Variants in AACS observed in about 807,000 individuals in gnomAD.
AACS encodes the protein acetoacetyl-CoA synthetase.
A neutral mutation model predicts 83.1 loss-of-function variants in AACS; 69 were observed. The ratio of observed to expected loss-of-function variants is 0.83; its 90% confidence interval spans 0.68 to 1.01. The LOEUF (loss-of-function observed/expected upper bound fraction) is 1.01, where lower values mean the gene tolerates loss of function less well. Ranked by LOEUF, AACS falls within the 50% of genes least tolerant of loss-of-function variation. AACS has a pLI of 0.00. For missense variants in AACS, 866 were observed against 882.2 expected (o/e 0.98, Z 0.23); for synonymous variants, 333 against 343.4 (o/e 0.97, Z 0.33).
intron 10 of AACS, 116 bp downstream of exon 10, chr12:125,118,881 C>T: frequency 7.0e-7 from 1 of 1,430,806 alleles, no homozygotes; most frequent in Non-Finnish European, 9.3e-7. Context: ...CTCCAGCATG[C>T]TCTGCCTTTG....
intron 4 of AACS, among the ~76,000 whole-genome samples, chr12:125,087,378 G>T (rs1956363205): frequency 6.6e-6 from 1 of 152,196 alleles, no homozygotes; most frequent in African/African-American, 2.4e-5. Context: ...CTTTCACCTT[G>T]ACTTGTGGAA....
intron 1 of AACS, among the ~76,000 whole-genome samples, chr12:125,066,606 C>T (rs1448626917): frequency 3.9e-5 from 6 of 152,086 alleles, no homozygotes; most frequent in Admixed American, 2.0e-4. Context: ...TACACCACCA[C>T]GCCTGGCTAA....
At position 125,102,629 on chromosome 12, in the gene AACS, G is replaced by A. The variant is rs780457063; in HGVS notation, c.571-50G>A. 20 of 1,547,884 alleles carry A rather than the reference G, an allele frequency of 1.3e-5. No individual in the cohort carries two copies. In the South Asian group the frequency reaches 1.5e-4, roughly 11 times the overall value. The stretch of plus-strand genomic sequence containing the variant: ...ACAGGCACCCACCACCATGCCTGCT[G>A]GTTTTTGCCTTTTGGATGATCAATG... On this transcript the variant is annotated intron_variant, in intron 5 of 17. Transcript: ENST00000316519.
chr12:125,124,921 G>T lies in AACS; in HGVS notation c.1206G>T (p.Gln402His). ...AMKPVETHSL[Q>H]MLHTILSTGS... ...CCCCAGTGGAAACCCACAGTCTCCA[G>T]ATGCTCCACACGATCCTGTCCACTG... The change falls in exon 12 of 18, where the codon CAG becomes CAT. Residue 402 changes from glutamine to histidine, a missense_variant. Coordinates refer to ENST00000316519, the MANE Select transcript of AACS (RefSeq NM_023928.5). The T allele has an allele frequency of 6.2e-7, 1 of 1,614,212 alleles. No homozygotes were observed. Among genetic ancestry groups the T allele is most frequent in the East Asian group, 2.2e-5 (1 of 44,886 alleles).
At chr12:125,128,640 G>A (rs776564115) in intron 13 of AACS, 40 of 169,140 alleles carry the variant, frequency 2.4e-4, no homozygotes, top group Non-Finnish European at 4.5e-4. Flanking sequence ...CGCTATGCTG[G>A]GCCTGGCAGC....
intron 15 of AACS, 43 bp from the exon 16 acceptor site, chr12:125,134,751 C>T: frequency 1.9e-6 from 3 of 1,612,804 alleles, no homozygotes; most frequent in Non-Finnish European, 2.5e-6. Flanking sequence ...ACTTGCTTCA[C>T]TCCAGAGCTG....
chr12:125,118,718 C>A lies in AACS; in HGVS notation c.1074C>A (p.Pro358=). The change falls in exon 10 of 18, where the codon CCC becomes CCA. Residue 358 remains proline, a synonymous_variant. Transcript: ENST00000316519. ...GAAMVLYDGS[P]LVPTPNVLWD... ...CCATGGTCTTGTACGATGGCTCCCC[C>A]CTGGTGCCCACGCCCAATGTGCTCT... 2 of 1,614,128 alleles carry A rather than the reference C, an allele frequency of 1.2e-6. No individual in the cohort carries two copies. Among genetic ancestry groups the A allele is most frequent in the Non-Finnish European group, 1.7e-6 (2 of 1,179,992 alleles).
intron 7 of AACS, among the ~76,000 whole-genome samples, chr12:125,104,053 G>GAT (rs1328558939): frequency 7.3e-6 from 1 of 137,802 alleles, no homozygotes; most frequent in Non-Finnish European, 1.5e-5. Context: ...TAAGGAAATG[G>GAT]ATTATGGATT....
intron 16 of AACS, among the ~76,000 whole-genome samples, chr12:125,136,382 G>A: frequency 6.6e-6 from 1 of 152,096 alleles, no homozygotes; most frequent in East Asian, 1.9e-4. Flanking sequence ...TTCTCATTAA[G>A]TAAGGCCCAC....
At position 125,065,573 on chromosome 12, in the gene AACS, CCCG is replaced by C. The variant is rs999561824; in HGVS notation, c.-3_-1del. The stretch of plus-strand genomic sequence containing the variant: ...CCAGCCCTCGTCGCAGCCCCGGCCG[CCCG>C]CCGCCGCCATGTCCAAGGAGGAGCG... On this transcript the variant is annotated 5_prime_UTR_variant, in exon 1 of 18. Coordinates refer to ENST00000316519, the MANE Select transcript of AACS (RefSeq NM_023928.5). 8 of 1,506,480 alleles carry C rather than the reference CCCG, an allele frequency of 5.3e-6. No individual in the cohort carries two copies. The highest frequency in any genetic ancestry group is 2.2e-5 in the Admixed American group (1 of 44,828). The allele number at this position is 1,506,480 out of a possible 1,614,324, so 93.3% of individuals were successfully genotyped here.
At chr12:125,115,759 T>C (rs941875825) in intron 9 of AACS, among the ~76,000 whole-genome samples, 2 of 151,258 alleles carry the variant, frequency 1.3e-5, no homozygotes, top group Non-Finnish European at 2.9e-5. Flanking sequence ...TGCAGGAGAC[T>C]GTCAGACCCC....
Position 125,114,556 on chromosome 12 carries a change from C to T in AACS, c.995C>T (p.Thr332Met), listed in dbSNP as rs374299072. 32 of 1,612,590 alleles carry T rather than the reference C, an allele frequency of 2.0e-5. No individual in the cohort carries two copies. The Admixed American group carries it at 3.2e-4, about 16-fold the overall frequency. ...TSSDILLCYT[T>M]VGWMMWNWMV... Reference sequence around the variant, plus strand: ...AGTGACATCCTCCTGTGCTACACCACGGTAAGGGCTTCCCCAGGTGCTGGC... The same window carrying T: ...AGTGACATCCTCCTGTGCTACACCATGGTAAGGGCTTCCCCAGGTGCTGGC... The change falls in exon 9 of 18, where the codon ACG (threonine) becomes ATG (methionine). Residue 332 changes from threonine (T) to methionine (M), a missense_variant and splice_region_variant. Coordinates refer to ENST00000316519, the MANE Select transcript of AACS (RefSeq NM_023928.5).
chr12:125,095,857 C>T (rs938510985), intron 5 of AACS, among the ~76,000 whole-genome samples: 3 of 152,248 alleles, frequency 2.0e-5, no homozygotes, highest in East Asian at 1.9e-4. Context: ...CCAGCACCCA[C>T]ATCAGACAAG....
At chr12:125,132,538 C>G (rs1365009091) in intron 14 of AACS, among the ~76,000 whole-genome samples, 1 of 152,146 alleles carries the variant, frequency 6.6e-6, no homozygotes, top group Admixed American at 6.5e-5. Context: ...AGGCGTGCTC[C>G]TGCAGAAGCT....
Position 125,124,747 on chromosome 12 carries a change from G to A in AACS, c.1164G>A (p.Leu388=), listed in dbSNP as rs1228422005. The A allele has an allele frequency of 6.2e-7, 1 of 1,614,238 alleles. No individual in the cohort carries two copies. The highest frequency in any genetic ancestry group is 1.7e-5 in the Admixed American group (1 of 60,028). Residue 388 remains leucine, a synonymous_variant, in exon 11 of 18, where the codon CTG becomes CTA. Transcript: ENST00000316519. ...LVTGAKWLSV[L]EEKAMKPVET... ...CTGGGGCCAAGTGGCTGTCAGTGCT[G>A]GAAGAGAAGGCCATGAAGCCGGGTG...
At chr12:125,074,656 TGTA>T (rs1955969546) in intron 2 of AACS, among the ~76,000 whole-genome samples, 1 of 151,266 alleles carries the variant, frequency 6.6e-6, no homozygotes, top group Admixed American at 6.6e-5. Context: ...TTTACATTGT[TGTA>T]GTTTTTTTTT....
chr12:125,134,142 G>T, intron 15 of AACS, 70 bp downstream of exon 15: 1 of 1,539,384 alleles, frequency 6.5e-7, no homozygotes, highest in Non-Finnish European at 8.8e-7. Flanking sequence ...TGGGAGAGGA[G>T]GTGCTTTCTA....
Position 125,124,971 on chromosome 12 carries a change from A to G in AACS, c.1256A>G (p.Tyr419Cys). Reference sequence around the variant, plus strand: ...GGCTCCCCACTGAAAGCCCAGAGCTACGAGTATGTCTACAGGTGCATCAAG... The same window carrying G: ...GGCTCCCCACTGAAAGCCCAGAGCTGCGAGTATGTCTACAGGTGCATCAAG... Reference protein sequence around the residue: ...STGSPLKAQSYEYVYRCIKSS... With the variant: ...STGSPLKAQSCEYVYRCIKSS... The change falls in exon 12 of 18, where the codon TAC becomes TGC. Residue 419 changes from tyrosine (Y) to cysteine (C), a missense_variant. Coordinates refer to ENST00000316519, the MANE Select transcript of AACS (RefSeq NM_023928.5). 6.2e-7 allele frequency: 1 copy of G among 1,614,198 alleles called. No homozygotes were observed. Among genetic ancestry groups the G allele is most frequent in the Non-Finnish European group, 8.5e-7 (1 of 1,180,034 alleles).
chr12:125,074,198 C>T (rs1009576420), intron 2 of AACS, among the ~76,000 whole-genome samples: 4 of 152,142 alleles, frequency 2.6e-5, no homozygotes, highest in Non-Finnish European at 4.4e-5. Context: ...AGGCCCTGTC[C>T]TGGGAACTTG....
Sources: gnomAD v4.1 joint callset for allele counts (sites outside exome capture counted in the v4.1 genomes callset) on GRCh38, gnomAD v4.1.1 for gene constraint, MANE v1.5 for transcripts, NCBI Gene and HGNC (gene_info 2026-07-23, HGNC 2026-07-21) for gene names.